CACNA1A: variants seen among roughly 807,000 people sequenced by gnomAD.
The protein encoded by CACNA1A is calcium voltage-gated channel subunit alpha1 A, also known as voltage-dependent P/Q-type calcium channel subunit alpha-1A.
Under a neutral mutation model 262.4 loss-of-function variants are expected in CACNA1A, and 57 were observed. The ratio of observed to expected loss-of-function variants is 0.22; its 90% CI spans 0.18 to 0.27. The LOEUF is 0.27. Ranked by LOEUF, CACNA1A falls within the 10% of genes least tolerant of loss-of-function variation. The pLI, the probability that CACNA1A is intolerant of heterozygous loss-of-function variation, is 1.00. For missense variants in CACNA1A, 2,526 were observed against 3,562.8 expected, an observed-to-expected ratio of 0.71 and a Z score of 7.41; for synonymous variants, 1,431 against 1,419.3, an observed-to-expected ratio of 1.01 and a Z score of -0.18.
At chr19:13,448,097 A>C (rs2060849620) in intron 3 of CACNA1A, among the ~76,000 whole-genome samples, 1 of 150,060 alleles carries the variant, frequency 6.7e-6, no homozygotes, top group East Asian at 2.0e-4. Flanking sequence ...AAAAAAAAAA[A>C]CAGGGCTGCA....
intron 24 of CACNA1A, among the ~76,000 whole-genome samples, chr19:13,269,190 A>G (rs894137036): frequency 5.9e-5 from 9 of 152,142 alleles, no homozygotes; most frequent in Non-Finnish European, 1.0e-4. Flanking sequence ...GGAGTTTTCA[A>G]TGACAGTGAT....
At chr19:13,226,583 T>C (rs970824747) in intron 37 of CACNA1A, 10 of 152,246 alleles carry the variant, frequency 6.6e-5, no homozygotes, top group African/African-American at 2.4e-4. Flanking sequence ...ACAGAGCATC[T>C]GTCCTTGGGC....
chr19:13,420,453 C>T (rs548093691), intron 3 of CACNA1A, among the ~76,000 whole-genome samples: 51 of 151,976 alleles, frequency 3.4e-4, no homozygotes, highest in Non-Finnish European at 6.6e-4. Context: ...AGAGTAAGCC[C>T]TAAATTCAAT....
chr19:13,210,852 C>T, intron 43 of CACNA1A, 200 bp from the exon 44 acceptor site: 1 of 636,420 alleles, frequency 1.6e-6, no homozygotes, highest in Non-Finnish European at 2.8e-6. Flanking sequence ...GTCCCAGGCC[C>T]CCGGGGCTGG....
At chr19:13,419,205 G>A (rs112160608) in intron 3 of CACNA1A, among the ~76,000 whole-genome samples, 5,659 of 152,306 alleles carry the variant, frequency 0.037, 231 homozygotes, top group East Asian at 0.17. Flanking sequence ...TTACCATTGT[G>A]TTACAACTGC....
intron 10 of CACNA1A, 28 bp downstream of exon 10, chr19:13,330,216 C>T (rs771825810): frequency 4.0e-6 from 6 of 1,487,962 alleles, no homozygotes; most frequent in Non-Finnish European, 5.5e-6. Context: ...TGATGAACAA[C>T]TGATAGGTGG....
At chr19:13,353,500 AATG>A (rs990127502) in intron 6 of CACNA1A, among the ~76,000 whole-genome samples, 7 of 152,066 alleles carry the variant, frequency 4.6e-5, no homozygotes, top group Non-Finnish European at 7.4e-5. Context: ...GACGATTTTT[AATG>A]ATGACATAAT....
At position 13,253,005 on chromosome 19, in the gene CACNA1A, C is replaced by T; in HGVS notation, c.4852G>A (p.Ala1618Thr). 1 of 1,612,134 alleles carries T rather than the reference C, an allele frequency of 6.2e-7. No homozygotes were observed. The highest frequency in any genetic ancestry group is 8.5e-7 in the Non-Finnish European group (1 of 1,178,288). ...FSLECVLKVM[A>T]FGILNYFRDA... is the part of the protein sequence containing the mutation. ...GTGGTACTTACCAGAATCCCAAAAG[C>T]CATGACTTTCAGCACACATTCCAGA... Residue 1618 changes from alanine to threonine, a missense_variant, in exon 30 of 47, where the codon GCT (alanine) becomes ACT (threonine). Ala to Thr is a moderately conservative substitution (Grantham distance 58, BLOSUM62 0). Around this residue, in one of 17 missense-constraint regions of CACNA1A, gnomAD observed 66 missense variants for 195.8 expected, o/e 0.34. Transcript: ENST00000360228.
At chr19:13,321,113 A>G (rs1286941918) in intron 10 of CACNA1A, among the ~76,000 whole-genome samples, 1 of 149,590 alleles carries the variant, frequency 6.7e-6, no homozygotes, top group African/African-American at 2.5e-5. Context: ...GGCTCATTGC[A>G]ACCTCTGCCT....
intron 3 of CACNA1A, chr19:13,450,299 G>A (rs2060892798): frequency 1.3e-5 from 2 of 152,128 alleles, no homozygotes; most frequent in African/African-American, 2.4e-5. Flanking sequence ...TCCAGCCTCA[G>A]AGCCTTTGCA....
chr19:13,229,017 T>G (rs536831391), intron 36 of CACNA1A: 1 of 306,662 alleles, frequency 3.3e-6, no homozygotes, highest in East Asian at 8.3e-5. Flanking sequence ...CCCCTGGGGC[T>G]CTCTCTGCAT....
chr19:13,283,312 G>A lies in CACNA1A; in HGVS notation c.3777C>T (p.Ala1259=). ...ILMVIAMSSI[A]LAAEDPVQPN... ...GCTGCACAGGGTCCTCGGCGGCCAG[G>A]GCGATGCTGCTCATGGCAATGACCA... The change falls in exon 22 of 47, where the codon GCC becomes GCT. Residue 1259 remains alanine (A), a synonymous_variant. Coordinates refer to ENST00000360228, the MANE Select transcript of CACNA1A (RefSeq NM_001127222.2). 6.2e-7 allele frequency: 1 copy of A among 1,614,000 alleles called. No homozygotes were observed. Among genetic ancestry groups the A allele is most frequent in the Non-Finnish European group, 8.5e-7 (1 of 1,179,874 alleles).
At chr19:13,363,546 T>C (rs545801691) in intron 5 of CACNA1A, 46 of 149,348 alleles carry the variant, frequency 3.1e-4, no homozygotes, top group African/African-American at 1.1e-3. Context: ...CCTCCAACCA[T>C]TGCAAATAAA....
chr19:13,326,960 G>A (rs1016374955), intron 10 of CACNA1A, among the ~76,000 whole-genome samples: 11 of 151,090 alleles, frequency 7.3e-5, no homozygotes, highest in African/African-American at 2.4e-4. Flanking sequence ...GGGGCATGCT[G>A]TGGCTCACCG....
intron 30 of CACNA1A, among the ~76,000 whole-genome samples, chr19:13,248,547 A>G (rs1453028185): frequency 6.6e-6 from 1 of 151,954 alleles, no homozygotes; most frequent in Non-Finnish European, 1.5e-5. Context: ...TCAACTCAGA[A>G]TAAAATAACT....
At chr19:13,303,279 G>C (rs1329945124) in intron 17 of CACNA1A, among the ~76,000 whole-genome samples, 2 of 152,208 alleles carry the variant, frequency 1.3e-5, no homozygotes, top group South Asian at 4.2e-4. Flanking sequence ...ACGGCCTTTT[G>C]GTTGAGTTTG....
chr19:13,458,869 A>AG (rs1481745279), intron 1 of CACNA1A, among the ~76,000 whole-genome samples: 1 of 152,234 alleles, frequency 6.6e-6, no homozygotes, highest in Non-Finnish European at 1.5e-5. Flanking sequence ...AGGAGGTGTA[A>AG]GCGCTGGAGA....
intron 14 of CACNA1A, 84 bp from the exon 15 acceptor site, chr19:13,307,938 C>G: frequency 7.0e-7 from 1 of 1,426,572 alleles, no homozygotes; most frequent in Non-Finnish European, 9.8e-7. Flanking sequence ...TCCAAGGAAA[C>G]GAACGTCTCC....
At chr19:13,224,259 G>A (rs2055348007) in intron 38 of CACNA1A, among the ~76,000 whole-genome samples, 1 of 151,988 alleles carries the variant, frequency 6.6e-6, no homozygotes, top group South Asian at 2.1e-4. Context: ...GGGAGGCGGA[G>A]GTAGCAATGA....
Sources: gnomAD v4.1 joint callset for allele counts (sites outside exome capture counted in the v4.1 genomes callset) on GRCh38, gnomAD v4.1.1 for gene constraint, gnomAD v4.1.1 regional missense constraint, MANE v1.5 for transcripts, NCBI Gene and HGNC (gene_info 2026-07-23, HGNC 2026-07-21) for gene names.